The following ADCY5 variants were observed in gnomAD, a reference collection of about 807,000 sequenced individuals.
ADCY5 encodes adenylate cyclase type 5.
Under a neutral mutation model 119.7 loss-of-function variants are expected in ADCY5, and 30 were observed. The ratio of observed to expected loss-of-function variants is 0.25; its 90% CI spans 0.19 to 0.34. ADCY5 has a LOEUF of 0.34. ADCY5 is among the 10% of genes least tolerant of loss of function. The pLI is 1.00. For synonymous variants in ADCY5, 753 were observed against 762.2 expected, an observed-to-expected ratio of 0.99 and a Z score of 0.20; for missense variants, 1,324 against 1,775.2, an observed-to-expected ratio of 0.75 and a Z score of 4.57.
At chr3:123,380,267 C>T (rs1943986542) in intron 1 of ADCY5, among the ~76,000 whole-genome samples, 1 of 152,212 alleles carries the variant, frequency 6.6e-6, no homozygotes, top group Non-Finnish European at 1.5e-5. Context: ...CTGTGGTGAA[C>T]AGGCTTGAGT....
intron 1 of ADCY5, among the ~76,000 whole-genome samples, chr3:123,391,315 T>C (rs776996107): frequency 2.0e-4 from 30 of 152,128 alleles, no homozygotes; most frequent in Non-Finnish European, 2.8e-4. Context: ...ACCCCCCCTT[T>C]CCAGCCTGAT....
Position 123,307,099 on chromosome 3 carries a change from G to C in ADCY5, c.2443-2916C>G, listed in dbSNP as rs148317114. Among the ~76,000 whole-genome samples the C allele has an allele frequency of 3.3e-3, 502 of 151,988 alleles. 3 individuals are homozygous for C. The highest frequency in any genetic ancestry group is 0.012 in the African/African-American group (488 of 41,428). Reference sequence around the variant, plus strand: ...CTGTGGTGATCAGGGCAGGGGGAGTGACTGCTAATGGGTCTGGGGGTTTCT... The same window carrying C: ...CTGTGGTGATCAGGGCAGGGGGAGTCACTGCTAATGGGTCTGGGGGTTTCT... On this transcript the variant is annotated intron_variant, in intron 12 of 20. Transcript: ENST00000462833.
At chr3:123,444,077 T>C (rs1576701326) in intron 1 of ADCY5, among the ~76,000 whole-genome samples, 1 of 152,038 alleles carries the variant, frequency 6.6e-6, no homozygotes, top group African/African-American at 2.4e-5. Flanking sequence ...TGTAGCAGAG[T>C]GGGATACAGT....
At chr3:123,425,676 C>T (rs1003240013) in intron 1 of ADCY5, among the ~76,000 whole-genome samples, 1 of 150,198 alleles carries the variant, frequency 6.7e-6, no homozygotes, top group African/African-American at 2.5e-5. Flanking sequence ...GCTGCAGCCA[C>T]CCCCAGATTC....
intron 1 of ADCY5, among the ~76,000 whole-genome samples, chr3:123,364,028 G>C (rs187018579): frequency 1.3e-5 from 2 of 152,156 alleles, no homozygotes; most frequent in Non-Finnish European, 2.9e-5. Flanking sequence ...AATGTCAAGT[G>C]GGGGAGAAAA....
chr3:123,343,845 C>T (rs963419199), intron 3 of ADCY5, among the ~76,000 whole-genome samples: 2 of 152,112 alleles, frequency 1.3e-5, no homozygotes, highest in African/African-American at 4.8e-5. Context: ...TCCAGCTGAC[C>T]CCCCGCCCCG....
chr3:123,376,598 T>C (rs1204289396), intron 1 of ADCY5, among the ~76,000 whole-genome samples: 1 of 152,122 alleles, frequency 6.6e-6, no homozygotes, highest in African/African-American at 2.4e-5. Context: ...CGCCAGCCAA[T>C]GGGCCACCCT....
chr3:123,349,019 C>T (rs1357870130), intron 2 of ADCY5, among the ~76,000 whole-genome samples: 1 of 152,196 alleles, frequency 6.6e-6, no homozygotes, highest in African/African-American at 2.4e-5. Flanking sequence ...TTCACGCCTG[C>T]ACTCTGGGAG....
intron 1 of ADCY5, among the ~76,000 whole-genome samples, chr3:123,374,256 C>A (rs973342781): frequency 6.6e-6 from 1 of 152,096 alleles, no homozygotes; most frequent in Non-Finnish European, 1.5e-5. Context: ...GAAGAGGCCA[C>A]CATAGCAGGA....
chr3:123,288,080 A>AG (rs1216539043), intron 19 of ADCY5, among the ~76,000 whole-genome samples: 3 of 152,264 alleles, frequency 2.0e-5, no homozygotes, highest in Non-Finnish European at 1.5e-5. Flanking sequence ...GCAGACTCCC[A>AG]GCTGGCTGTG....
intron 1 of ADCY5, among the ~76,000 whole-genome samples, chr3:123,389,892 C>T (rs1404416053): frequency 2.1e-5 from 3 of 142,762 alleles, no homozygotes; most frequent in Non-Finnish European, 4.5e-5. Context: ...GTGCAGTGCT[C>T]GCTGGGGAGC....
intron 3 of ADCY5, among the ~76,000 whole-genome samples, chr3:123,346,774 G>C (rs1156403092): frequency 1.3e-5 from 2 of 152,120 alleles, no homozygotes; most frequent in Non-Finnish European, 1.5e-5. Context: ...GTGAGTCCTA[G>C]GGAAACTTGC....
intron 1 of ADCY5, among the ~76,000 whole-genome samples, chr3:123,366,327 C>A (rs975018833): frequency 6.6e-6 from 1 of 152,200 alleles, no homozygotes; most frequent in Admixed American, 6.5e-5. Flanking sequence ...AACTGCTGAG[C>A]CATTGGTGGC....
At chr3:123,445,347 C>A (rs571023738) in intron 1 of ADCY5, among the ~76,000 whole-genome samples, 1 of 149,898 alleles carries the variant, frequency 6.7e-6, no homozygotes, top group Non-Finnish European at 1.5e-5. Context: ...GGGCCCCCCC[C>A]AAGGCTCAGC....
At chr3:123,368,127 C>A in intron 1 of ADCY5, 1 of 1,216,218 alleles carries the variant, frequency 8.2e-7, no homozygotes, top group Non-Finnish European at 1.1e-6. Context: ...TCTTGTGACT[C>A]GGAGCCAGTC....
rs1443731359 is a variant in ADCY5 at position 123,447,771 on chromosome 3, A to G, written c.775T>C (p.Phe259Leu). 2.5e-6 allele frequency: 4 copies of G among 1,608,930 alleles called. No homozygotes were observed. The highest frequency in any genetic ancestry group is 3.4e-6 in the Non-Finnish European group (4 of 1,177,330). The change falls in exon 1 of 21, where the codon TTC becomes CTC. Residue 259 changes from phenylalanine to leucine, a missense_variant. By Grantham distance (22) the Phe-to-Leu change is conservative. Around this residue, in one of 6 missense-constraint regions of ADCY5, gnomAD observed 585 missense variants for 569.9 expected, o/e 1.03. Transcript: ENST00000462833. ...TGGAGCGGGGGCCGCGCCGCGTGGA[A>G]GGCCAACATGACCAGGCACACGAGC... ...LVLVCLVMLA[F>L]HAARPPLQLP...
chr3:123,423,974 GC>G (rs1945352019), intron 1 of ADCY5, among the ~76,000 whole-genome samples: 1 of 152,224 alleles, frequency 6.6e-6, no homozygotes, highest in African/African-American at 2.4e-5. Flanking sequence ...AGAAGGTCTC[GC>G]TTTTCATTCT....
At chr3:123,380,839 A>ATGGGAGATCCGGCC (rs1358498512) in intron 1 of ADCY5, among the ~76,000 whole-genome samples, 1 of 152,212 alleles carries the variant, frequency 6.6e-6, no homozygotes, top group Non-Finnish European at 1.5e-5. Flanking sequence ...GCCTGTAAGG[A>ATGGGAGATCCGGCC]TGGGAGATCC....
At chr3:123,395,210 G>C (rs1230595096) in intron 1 of ADCY5, among the ~76,000 whole-genome samples, 4 of 152,196 alleles carry the variant, frequency 2.6e-5, no homozygotes, top group Admixed American at 2.6e-4. Context: ...CTGATAAATG[G>C]GCAATCCAGG....
Sources: gnomAD v4.1 joint callset for allele counts (sites outside exome capture counted in the v4.1 genomes callset) on GRCh38, gnomAD v4.1.1 for gene constraint, gnomAD v4.1.1 regional missense constraint, MANE v1.5 for transcripts, NCBI Gene and HGNC (gene_info 2026-07-23, HGNC 2026-07-21) for gene names.